PDE4D: variants seen among roughly 807,000 people sequenced by gnomAD.
PDE4D encodes phosphodiesterase 4D, also known as 3',5'-cyclic-AMP phosphodiesterase 4D.
Under a neutral mutation model 87.4 loss-of-function variants are expected in PDE4D, and 24 were observed. That is an observed-to-expected ratio of 0.27 (90% CI 0.20 to 0.39). PDE4D has a LOEUF of 0.39. Ranked by LOEUF, PDE4D falls within the 10% of genes least tolerant of loss-of-function variation. The pLI, the probability that PDE4D is intolerant of heterozygous loss-of-function variation, is 1.00. For synonymous variants in PDE4D, 384 were observed against 383.2 expected (o/e 1.00, Z -0.02); for missense variants, 714 against 1,041.0 (o/e 0.69, Z 4.32).
At chr5:59,414,097 T>C (rs1793182147) in intron 1 of PDE4D, among the ~76,000 whole-genome samples, 1 of 152,238 alleles carries the variant, frequency 6.6e-6, no homozygotes, top group African/African-American at 2.4e-5. Context: ...AGCTACATGA[T>C]TACATATCCT....
At chr5:59,412,890 C>G (rs1291076027) in intron 1 of PDE4D, among the ~76,000 whole-genome samples, 1 of 152,164 alleles carries the variant, frequency 6.6e-6, no homozygotes, top group South Asian at 2.1e-4. Context: ...TATCCGAAGT[C>G]TTCTGAACTC....
intron 1 of PDE4D, among the ~76,000 whole-genome samples, chr5:59,481,472 G>C (rs1244823391): frequency 6.6e-6 from 1 of 151,980 alleles, no homozygotes. Context: ...AGACTCACCT[G>C]CTTCATCTCT....
chr5:60,033,992 T>C (rs1767523089), intron 2 of PDE4D, among the ~76,000 whole-genome samples: 1 of 152,188 alleles, frequency 6.6e-6, no homozygotes, highest in African/African-American at 2.4e-5. Context: ...TTCAAAGCAG[T>C]CTCAGGACTC....
chr5:60,356,684 G>T (rs1759652960), intron 1 of PDE4D, among the ~76,000 whole-genome samples: 1 of 151,948 alleles, frequency 6.6e-6, no homozygotes, highest in African/African-American at 2.4e-5. Flanking sequence ...TTTACTATTG[G>T]AAAAATAGTA....
intron 1 of PDE4D, among the ~76,000 whole-genome samples, chr5:59,260,635 A>C (rs1761828431): frequency 6.6e-6 from 1 of 151,860 alleles, no homozygotes; most frequent in African/African-American, 2.4e-5. Context: ...AATTTGAAAG[A>C]TAAACTTCTG....
chr5:59,657,236 T>C (rs989457000), intron 1 of PDE4D, among the ~76,000 whole-genome samples: 6 of 152,248 alleles, frequency 3.9e-5, no homozygotes, highest in Non-Finnish European at 8.8e-5. Flanking sequence ...AATACTGTTA[T>C]AAATAATAAT....
chr5:60,108,661 G>C lies in PDE4D; in HGVS notation c.42+76896C>G, dbSNP rs200107281. Among the ~76,000 whole-genome samples, 524 of 152,024 alleles carry C rather than the reference G, an allele frequency of 3.4e-3. 20 individuals are homozygous for C. The East Asian group carries it at 0.083, about 24-fold the overall frequency. On this transcript the variant is annotated intron_variant, in intron 2 of 16. Coordinates refer to the PDE4D transcript ENST00000502484. ...AGCATGGTACTGGTACCAAAACAGA[G>C]ATATAGATCAATGGAACAGAACAGA... is the stretch of plus-strand genomic sequence containing the variant.
chr5:59,897,621 G>A (rs1581650238), upstream of PDE4D, among the ~76,000 whole-genome samples: 1 of 151,918 alleles, frequency 6.6e-6, no homozygotes, highest in East Asian at 1.9e-4. Context: ...CCCCCGACAG[G>A]CCCCAGTGTG....
chr5:59,263,567 A>C (rs916930935), intron 1 of PDE4D, among the ~76,000 whole-genome samples: 6 of 152,038 alleles, frequency 3.9e-5, no homozygotes, highest in Non-Finnish European at 1.5e-5. Flanking sequence ...TTATTATTTA[A>C]ATAGAAAATC....
At chr5:60,215,005 A>G (rs1310990367) in intron 1 of PDE4D, among the ~76,000 whole-genome samples, 1 of 152,270 alleles carries the variant, frequency 6.6e-6, no homozygotes, top group Admixed American at 6.5e-5. Context: ...GTATGTCAGT[A>G]CTGATGCAAC....
intron 1 of PDE4D, among the ~76,000 whole-genome samples, chr5:59,629,216 T>C (rs113938333): frequency 5.2e-4 from 79 of 152,178 alleles, no homozygotes; most frequent in African/African-American, 1.8e-3. Flanking sequence ...CTGAGTGTTG[T>C]TATGGGTTGT....
chr5:60,290,192 G>A (rs1752769788), intron 1 of PDE4D, among the ~76,000 whole-genome samples: 1 of 152,166 alleles, frequency 6.6e-6, no homozygotes, highest in African/African-American at 2.4e-5. Flanking sequence ...GGGATGGGTT[G>A]AGAAGAGGTG....
chr5:59,388,906 T>A lies in PDE4D; in HGVS notation c.456-172938A>T, dbSNP rs376515211. Among the ~76,000 whole-genome samples, 16 of 152,192 alleles carry A rather than the reference T, an allele frequency of 1.1e-4. No individual in the cohort carries two copies. The East Asian group carries it at 1.7e-3, about 17-fold the overall frequency. On this transcript the variant is annotated intron_variant, in intron 1 of 14. Coordinates refer to ENST00000340635, the MANE Select transcript of PDE4D (RefSeq NM_001104631.2). The stretch of plus-strand genomic sequence containing the variant: ...ATTTGATCTATCTATATCAATCTTA[T>A]AAAATTGTGTGAGCATGAGGTTTTG...
intron 3 of PDE4D, among the ~76,000 whole-genome samples, chr5:59,928,634 A>G (rs897959551): frequency 6.6e-6 from 1 of 152,250 alleles, no homozygotes; most frequent in South Asian, 2.1e-4. Flanking sequence ...CACCTTCCCC[A>G]GCCCCCTGGG....
chr5:59,017,599 T>C (rs1312095216), intron 6 of PDE4D, among the ~76,000 whole-genome samples: 2 of 152,202 alleles, frequency 1.3e-5, no homozygotes, highest in Non-Finnish European at 2.9e-5. Flanking sequence ...GAGTTTTGAA[T>C]AAGTAGTAAC....
At chr5:59,968,944 A>G (rs1021043531) in intron 3 of PDE4D, among the ~76,000 whole-genome samples, 8 of 152,258 alleles carry the variant, frequency 5.3e-5, no homozygotes, top group African/African-American at 1.9e-4. Context: ...GATGGAAGAT[A>G]AAAGACAAAG....
intron 1 of PDE4D, among the ~76,000 whole-genome samples, chr5:59,476,070 C>T (rs1401340693): frequency 3.9e-5 from 6 of 152,118 alleles, no homozygotes; most frequent in East Asian, 1.9e-4. Flanking sequence ...ATCAGAAGCA[C>T]GAGTTTCCTC....
chr5:59,349,758 T>G (rs1780209487), intron 1 of PDE4D, among the ~76,000 whole-genome samples: 1 of 152,116 alleles, frequency 6.6e-6, no homozygotes, highest in African/African-American at 2.4e-5. Context: ...TTTTGTCACC[T>G]TGATTTTTTT....
At chr5:59,697,346 G>C (rs1490928925) in intron 1 of PDE4D, among the ~76,000 whole-genome samples, 1 of 152,122 alleles carries the variant, frequency 6.6e-6, no homozygotes, top group Non-Finnish European at 1.5e-5. Flanking sequence ...CTATAAAAGA[G>C]GCACATAGAG....
Sources: allele counts gnomAD v4.1 joint callset (sites outside exome capture counted in the v4.1 genomes callset), GRCh38; gene constraint gnomAD v4.1.1; transcripts MANE v1.5; gene names NCBI Gene and HGNC (gene_info 2026-07-23, HGNC 2026-07-21).